The following TFEC variants were observed in gnomAD, a reference collection of about 807,000 sequenced individuals.
TFEC encodes class E basic helix-loop-helix protein 34.
Under a neutral mutation model 41.6 loss-of-function variants are expected in TFEC, and 31 were observed. That is an observed-to-expected ratio of 0.74 (90% CI 0.56 to 1.01). The LOEUF (loss-of-function observed/expected upper bound fraction) is 1.01. Ranked by LOEUF, TFEC falls within the 50% of genes least tolerant of loss-of-function variation. TFEC has a pLI of 0.00. For synonymous variants in TFEC, 143 were observed against 140.6 expected, an observed-to-expected ratio of 1.02 and a Z score of -0.12; for missense variants, 402 against 404.1, an observed-to-expected ratio of 0.99 and a Z score of 0.04.
At chr7:116,007,642 T>C (rs541674565) in intron 1 of TFEC, among the ~76,000 whole-genome samples, 1 of 152,270 alleles carries the variant, frequency 6.6e-6, no homozygotes, top group African/African-American at 2.4e-5. Flanking sequence ...GTGTTTCAGA[T>C]CCTACTAGGT....
At chr7:115,997,825 G>A (rs1794427597) in intron 1 of TFEC, among the ~76,000 whole-genome samples, 1 of 152,062 alleles carries the variant, frequency 6.6e-6, no homozygotes, top group Non-Finnish European at 1.5e-5. Context: ...ACGCATCAGA[G>A]TCTCTTACCA....
chr7:115,991,037 C>T (rs556377832), intron 1 of TFEC, among the ~76,000 whole-genome samples: 2 of 152,300 alleles, frequency 1.3e-5, no homozygotes, highest in African/African-American at 2.4e-5. Flanking sequence ...GATCTCTCCA[C>T]AGAAACTCTA....
chr7:116,063,290 G>T (rs750157421), intron 3 of TFEC, among the ~76,000 whole-genome samples: 14 of 152,130 alleles, frequency 9.2e-5, no homozygotes, highest in Non-Finnish European at 1.5e-4. Flanking sequence ...AGATGCAAAG[G>T]TTCAGGAAAA....
At chr7:116,011,854 TC>T (rs1795014643) in intron 1 of TFEC, among the ~76,000 whole-genome samples, 1 of 152,078 alleles carries the variant, frequency 6.6e-6, no homozygotes, top group Non-Finnish European at 1.5e-5. Flanking sequence ...AAATTCCTCC[TC>T]TCTCTCTTTC....
chr7:115,956,832 T>C, intron 3 of TFEC, 39 bp from the exon 4 acceptor site: 1 of 1,315,874 alleles, frequency 7.6e-7, no homozygotes, highest in Non-Finnish European at 1.1e-6. Context: ...ATAAAAACCT[T>C]CTGTGCAAAT....
chr7:116,018,179 C>T (rs527894058), intron 1 of TFEC, among the ~76,000 whole-genome samples: 1 of 152,244 alleles, frequency 6.6e-6, no homozygotes, highest in Admixed American at 6.5e-5. Flanking sequence ...CTATTACTAT[C>T]CTGGTTCAGT....
chr7:116,053,682 T>C (rs1232178651), intron 3 of TFEC, among the ~76,000 whole-genome samples: 1 of 152,184 alleles, frequency 6.6e-6, no homozygotes, highest in East Asian at 1.9e-4. Context: ...ATAGCACATT[T>C]GCATGCTCAG....
At chr7:115,943,084 T>A (rs1309458467) in intron 6 of TFEC, among the ~76,000 whole-genome samples, 1 of 151,986 alleles carries the variant, frequency 6.6e-6, no homozygotes. Context: ...TACCAGCAGG[T>A]GAAAGTGCTT....
rs768015625 is a variant in TFEC at position 116,125,537 on chromosome 7, G to T, written c.-68-13499C>A. Among the ~76,000 whole-genome samples, 8 of 152,278 alleles carry T rather than the reference G, an allele frequency of 5.3e-5. No individual in the cohort carries two copies. The East Asian group carries it at 1.5e-3, about 29-fold the overall frequency. On this transcript the variant is annotated intron_variant, in intron 1 of 8. Coordinates refer to the TFEC transcript ENST00000484212. The stretch of plus-strand genomic sequence containing the variant: ...CAATTAGGTAGCAATGCATGAATTG[G>T]TCTTGAATAAGGAAGCATGGAGAAT...
At chr7:116,148,277 G>A (rs1344247159) in intron 1 of TFEC, among the ~76,000 whole-genome samples, 1 of 152,158 alleles carries the variant, frequency 6.6e-6, no homozygotes, top group African/African-American at 2.4e-5. Context: ...AGGAGCGAGT[G>A]AAGTGTTGAC....
chr7:116,048,751 A>C (rs558936871), intron 3 of TFEC, among the ~76,000 whole-genome samples: 17 of 152,222 alleles, frequency 1.1e-4, no homozygotes, highest in Non-Finnish European at 2.2e-4. Flanking sequence ...GTTACCCACA[A>C]AGGGAAGCCC....
At chr7:116,002,020 T>C (rs372553983) in intron 1 of TFEC, among the ~76,000 whole-genome samples, 15 of 152,008 alleles carry the variant, frequency 9.9e-5, no homozygotes, top group East Asian at 9.7e-4. Context: ...AAAAGACAGG[T>C]AATAACAAAT....
chr7:116,135,962 CAA>C (rs1798424831), intron 1 of TFEC, among the ~76,000 whole-genome samples: 1 of 152,060 alleles, frequency 6.6e-6, no homozygotes, highest in African/African-American at 2.4e-5. Flanking sequence ...GGGTTCTCTG[CAA>C]AGACTAGTTC....
chr7:116,097,354 C>T (rs1224944983), intron 3 of TFEC, among the ~76,000 whole-genome samples: 1 of 152,000 alleles, frequency 6.6e-6, no homozygotes, highest in African/African-American at 2.4e-5. Context: ...ATAGACATGT[C>T]TATGATAAAT....
intron 1 of TFEC, among the ~76,000 whole-genome samples, chr7:116,131,961 TC>T: frequency 6.6e-6 from 1 of 152,328 alleles, no homozygotes; most frequent in Middle Eastern, 3.4e-3. Context: ...CTAAAAATTT[TC>T]CTTTGAAGTT....
intron 2 of TFEC, among the ~76,000 whole-genome samples, chr7:116,111,698 G>C (rs1797858602): frequency 6.6e-6 from 1 of 152,086 alleles, no homozygotes; most frequent in East Asian, 1.9e-4. Context: ...CAAATTCTCA[G>C]TCAGAGTTTC....
At chr7:115,973,383 CT>C (rs1216667796) in intron 3 of TFEC, among the ~76,000 whole-genome samples, 1 of 151,892 alleles carries the variant, frequency 6.6e-6, no homozygotes, top group African/African-American at 2.4e-5. Flanking sequence ...TCAGAATTCA[CT>C]TTTTTTAAAT....
At chr7:115,983,688 CTAAA>C (rs1793726962) in intron 2 of TFEC, among the ~76,000 whole-genome samples, 2 of 152,028 alleles carry the variant, frequency 1.3e-5, no homozygotes, top group South Asian at 4.1e-4. Flanking sequence ...CTCCATGAAG[CTAAA>C]TACTCATTTA....
At chr7:116,122,966 C>T (rs1395700506) in intron 1 of TFEC, among the ~76,000 whole-genome samples, 3 of 150,920 alleles carry the variant, frequency 2.0e-5, no homozygotes, top group Admixed American at 6.6e-5. Context: ...GCCAAACAAG[C>T]GTGAGAACTG....
Sources: gnomAD v4.1 joint callset for allele counts (sites outside exome capture counted in the v4.1 genomes callset) on GRCh38, gnomAD v4.1.1 for gene constraint, MANE v1.5 for transcripts, NCBI Gene and HGNC (gene_info 2026-07-23, HGNC 2026-07-21) for gene names.